PARD3: variants seen among roughly 807,000 people sequenced by gnomAD.
PARD3 encodes partitioning defective 3 homolog.
In PARD3, 75 loss-of-function variants were observed where a neutral mutation model predicts 155.4. The observed-to-expected ratio is 0.48, with a 90% CI of 0.40 to 0.58. PARD3 has a LOEUF of 0.58. PARD3 is among the 20% of genes least tolerant of loss of function. The pLI is 0.00. For synonymous variants in PARD3, 576 were observed against 610.5 expected (o/e 0.94, Z 0.83); for missense variants, 1,642 against 1,721.7 (o/e 0.95, Z 0.82).
intron 7 of PARD3, among the ~76,000 whole-genome samples, chr10:34,391,555 T>A (rs1054064263): frequency 6.6e-6 from 1 of 152,186 alleles, no homozygotes; most frequent in Non-Finnish European, 1.5e-5. Context: ...TGGATGAGTA[T>A]GGTATGTCTC....
intron 2 of PARD3, among the ~76,000 whole-genome samples, chr10:34,638,090 A>G (rs1564447103): frequency 1.3e-5 from 2 of 152,206 alleles, no homozygotes; most frequent in African/African-American, 4.8e-5. Flanking sequence ...AAGAATAACC[A>G]AAAGATAATT....
intron 22 of PARD3, among the ~76,000 whole-genome samples, chr10:34,238,556 A>G (rs2133629050): frequency 6.6e-6 from 1 of 152,200 alleles, no homozygotes; most frequent in East Asian, 1.9e-4. Context: ...GTAGCCAACA[A>G]TCGGTTTTGA....
At chr10:34,809,535 T>G (rs1380120827) in intron 1 of PARD3, among the ~76,000 whole-genome samples, 1 of 151,956 alleles carries the variant, frequency 6.6e-6, no homozygotes, top group East Asian at 1.9e-4. Flanking sequence ...CACGAATGAG[T>G]GCAAGGAAGG....
chr10:34,297,708 G>C (rs890412088), intron 20 of PARD3, among the ~76,000 whole-genome samples: 13 of 152,182 alleles, frequency 8.5e-5, no homozygotes, highest in African/African-American at 3.1e-4. Context: ...AGTAAGGGTG[G>C]ACAGCAGCCC....
chr10:34,245,006 A>C (rs1218484703), intron 22 of PARD3, among the ~76,000 whole-genome samples: 2 of 152,212 alleles, frequency 1.3e-5, no homozygotes, highest in Admixed American at 1.3e-4. Flanking sequence ...AGATCTCAGG[A>C]AGTGCCTTAA....
intron 1 of PARD3, among the ~76,000 whole-genome samples, chr10:34,797,687 G>A (rs901554473): frequency 6.6e-6 from 1 of 152,134 alleles, no homozygotes; most frequent in African/African-American, 2.4e-5. Flanking sequence ...CAAACACCCA[G>A]AGGACATAAC....
intron 22 of PARD3, among the ~76,000 whole-genome samples, chr10:34,154,309 A>G (rs867279834): frequency 3.9e-5 from 6 of 152,328 alleles, no homozygotes; most frequent in Middle Eastern, 3.4e-3. Context: ...AATACTACTA[A>G]TAATACGTGT....
intron 5 of PARD3, 79 bp from the exon 6 acceptor site, chr10:34,401,996 G>T: frequency 8.9e-7 from 1 of 1,122,844 alleles, no homozygotes; most frequent in Non-Finnish European, 1.4e-6. Context: ...TGGATAAAAT[G>T]GAAGTCTAAT....
chr10:34,669,134 A>G (rs1199425995), intron 2 of PARD3, among the ~76,000 whole-genome samples: 1 of 152,220 alleles, frequency 6.6e-6, no homozygotes, highest in African/African-American at 2.4e-5. Flanking sequence ...AAAAGAAGTC[A>G]TTATATCAAA....
At chr10:34,384,542 C>T (rs1252661379) in intron 7 of PARD3, among the ~76,000 whole-genome samples, 1 of 152,084 alleles carries the variant, frequency 6.6e-6, no homozygotes. Flanking sequence ...AAACAGAGCC[C>T]GCCTAATGGT....
intron 4 of PARD3, among the ~76,000 whole-genome samples, chr10:34,469,606 T>C (rs2078224507): frequency 6.6e-6 from 1 of 152,172 alleles, no homozygotes; most frequent in Admixed American, 6.5e-5. Flanking sequence ...TGAAGTCCAC[T>C]TTCATCCTTA....
At chr10:34,235,602 A>C (rs1202541092) in intron 22 of PARD3, among the ~76,000 whole-genome samples, 1 of 152,326 alleles carries the variant, frequency 6.6e-6, no homozygotes, top group Middle Eastern at 3.4e-3. Flanking sequence ...ACGTTTAGTT[A>C]CTGAGTTCTA....
At chr10:34,139,455 G>C (rs924420003) in intron 22 of PARD3, among the ~76,000 whole-genome samples, 4 of 152,160 alleles carry the variant, frequency 2.6e-5, no homozygotes, top group African/African-American at 4.8e-5. Context: ...AGAAAAATGA[G>C]AGCACTTTTT....
intron 4 of PARD3, among the ~76,000 whole-genome samples, chr10:34,463,355 A>G (rs1213097619): frequency 4.4e-5 from 2 of 45,714 alleles, no homozygotes; most frequent in Non-Finnish European, 7.5e-5. Context: ...GGGAAGGGGA[A>G]GGGGAGGGGA....
At chr10:34,542,989 T>C (rs1174298916) in intron 2 of PARD3, among the ~76,000 whole-genome samples, 4 of 152,218 alleles carry the variant, frequency 2.6e-5, no homozygotes, top group South Asian at 2.1e-4. Flanking sequence ...GATGTTAGGA[T>C]TGACTTAAAA....
chr10:34,629,789 TAGGAG>T, intron 2 of PARD3, among the ~76,000 whole-genome samples: 1 of 152,310 alleles, frequency 6.6e-6, no homozygotes, highest in East Asian at 1.9e-4. Context: ...CAGCTTTTAT[TAGGAG>T]ATTTTAAGAC....
intron 2 of PARD3, among the ~76,000 whole-genome samples, chr10:34,544,464 CA>C (rs1418405762): frequency 6.6e-6 from 1 of 152,096 alleles, no homozygotes; most frequent in Non-Finnish European, 1.5e-5. Flanking sequence ...GCTATTTACT[CA>C]GGGGGTTTAA....
intron 1 of PARD3, among the ~76,000 whole-genome samples, chr10:34,709,594 T>C (rs1465181470): frequency 6.6e-6 from 1 of 152,068 alleles, no homozygotes; most frequent in Non-Finnish European, 1.5e-5. Context: ...AGCAGGAAGC[T>C]ATGACTACCC....
rs184495021 is a variant in PARD3 at position 34,751,571 on chromosome 10, C to T, written c.121-55152G>A. Among the ~76,000 whole-genome samples, 399 of 152,270 alleles carry T rather than the reference C, an allele frequency of 2.6e-3. 9 individuals carry two copies. Among genetic ancestry groups the T allele is most frequent in the Admixed American group, 0.024 (362 of 15,290 alleles). ...TGGGTCTGGGGGTAGTGCAGAGACACAGACGTGGCTTCTGTTCCTAAGTCC... is the reference window on the plus strand; with the variant it reads ...TGGGTCTGGGGGTAGTGCAGAGACATAGACGTGGCTTCTGTTCCTAAGTCC... On this transcript the variant is annotated intron_variant, in intron 1 of 24. Transcript: ENST00000374788.
Sources: allele counts gnomAD v4.1 joint callset (sites outside exome capture counted in the v4.1 genomes callset), GRCh38; gene constraint gnomAD v4.1.1; transcripts MANE v1.5; gene names NCBI Gene and HGNC (gene_info 2026-07-23, HGNC 2026-07-21).